NLGN4X: variants seen among roughly 807,000 people sequenced by gnomAD.
The protein encoded by NLGN4X is neuroligin 4 X-linked, also known as neuroligin-4, X-linked.
A neutral mutation model predicts 40.3 loss-of-function variants in NLGN4X; 3 were observed. That is an observed-to-expected ratio of 0.07 (90% CI 0.03 to 0.19). NLGN4X has a LOEUF of 0.19. Among genes scored for constraint, NLGN4X ranks in the 10% least tolerant of loss-of-function variants. The pLI is 1.00. For synonymous variants in NLGN4X, 270 were observed against 306.8 expected, an observed-to-expected ratio of 0.88 and a Z score of 1.25; for missense variants, 382 against 708.3, an observed-to-expected ratio of 0.54 and a Z score of 5.23.
chrX:5,961,286 T>C (rs1429692139), intron 3 of NLGN4X, among the ~76,000 whole-genome samples: 1 of 112,548 alleles, frequency 8.9e-6, no homozygotes, highest in African/African-American at 3.2e-5. Context: ...GATATTTTGG[T>C]AGACTTGTAA....
intron 5 of NLGN4X, among the ~76,000 whole-genome samples, chrX:5,896,609 T>C (rs1240018605): frequency 2.7e-5 from 3 of 112,226 alleles, no homozygotes; most frequent in African/African-American, 9.7e-5. Context: ...CCTGTTTTAT[T>C]TGAGATGTCA....
chrX:6,064,870 C>T (rs1284801261), intron 2 of NLGN4X, among the ~76,000 whole-genome samples: 3 of 111,224 alleles, frequency 2.7e-5, no homozygotes, highest in Non-Finnish European at 3.8e-5. Context: ...CCTAGATGGC[C>T]ATCAACGGTG....
chrX:5,990,761 G>A (rs1280597175), intron 3 of NLGN4X, among the ~76,000 whole-genome samples: 3 of 111,246 alleles, frequency 2.7e-5, no homozygotes, highest in South Asian at 3.8e-4. Context: ...TGCTAAGTAC[G>A]ATAGGTGGAG....
intron 2 of NLGN4X, among the ~76,000 whole-genome samples, chrX:6,080,041 T>A (rs1483070621): frequency 9.2e-6 from 1 of 108,423 alleles, no homozygotes; most frequent in Admixed American, 1.0e-4. Context: ...CTATATTCCC[T>A]CTCTTTGGAG....
At chrX:5,912,766 C>T (rs779112906) in intron 3 of NLGN4X, among the ~76,000 whole-genome samples, 1 of 103,976 alleles carries the variant, frequency 9.6e-6, no homozygotes, top group Admixed American at 1.1e-4. Context: ...CCAGGTTTTC[C>T]TGTGAATAAG....
chrX:6,152,529 G>A (rs1425501682), intron 1 of NLGN4X, among the ~76,000 whole-genome samples: 2 of 111,916 alleles, frequency 1.8e-5, no homozygotes, highest in East Asian at 5.6e-4. Context: ...AAAGATGGAA[G>A]CATGCATCCA....
At chrX:6,165,846 G>A (rs1410511579) in intron 1 of NLGN4X, among the ~76,000 whole-genome samples, 1 of 111,139 alleles carries the variant, frequency 9.0e-6, no homozygotes, top group Non-Finnish European at 1.9e-5. Context: ...TACATAGCAG[G>A]TGTATATACA....
intron 1 of NLGN4X, among the ~76,000 whole-genome samples, chrX:6,184,390 A>G (rs1186517453): frequency 8.9e-6 from 1 of 112,088 alleles, no homozygotes; most frequent in Non-Finnish European, 1.9e-5. Flanking sequence ...AAGACTAAAC[A>G]TTCCCCAAGG....
intron 2 of NLGN4X, among the ~76,000 whole-genome samples, chrX:6,114,679 T>C (rs1195452566): frequency 9.0e-6 from 1 of 111,390 alleles, no homozygotes; most frequent in East Asian, 2.8e-4. Context: ...CATATGAGGA[T>C]TTTTTTCTTA....
At chrX:6,133,167 CCAT>C (rs35954471) in intron 2 of NLGN4X, among the ~76,000 whole-genome samples, 46,070 of 108,873 alleles carry the variant, frequency 0.42, 7,424 homozygotes, top group Admixed American at 0.57. Flanking sequence ...ATCATTATCA[CCAT>C]CATCACTATC....
chrX:6,162,943 C>T (rs963221319), intron 1 of NLGN4X, among the ~76,000 whole-genome samples: 3 of 111,910 alleles, frequency 2.7e-5, no homozygotes, highest in South Asian at 3.7e-4. Flanking sequence ...ATAATTCCCA[C>T]GTATAGGGAG....
chrX:5,999,218 T>A (rs1393281348), intron 3 of NLGN4X, among the ~76,000 whole-genome samples: 1 of 112,053 alleles, frequency 8.9e-6, no homozygotes, highest in Non-Finnish European at 1.9e-5. Flanking sequence ...CTTTCTACTG[T>A]TGCCCAATGG....
Position 6,210,225 on chromosome X carries a change from C to G in NLGN4X, c.-306+18316G>C, listed in dbSNP as rs187623847. Among the ~76,000 whole-genome samples, 733 of 96,440 alleles carry G rather than the reference C, an allele frequency of 7.6e-3. 3 individuals are homozygous for G. Among genetic ancestry groups the G allele is most frequent in the Non-Finnish European group, 0.012 (614 of 49,381 alleles). 83.7% of individuals were successfully genotyped at this position (96,440 alleles called of 115,157 possible). ...AAAAAATTGCAGTTGATTCTTTGTGCGTGCGTGTGCGCCCGTTTGTGTGTG... is the reference window on the plus strand; with the variant it reads ...AAAAAATTGCAGTTGATTCTTTGTGGGTGCGTGTGCGCCCGTTTGTGTGTG... On this transcript the variant is annotated intron_variant, in intron 1 of 5. Transcript: ENST00000381095.
At chrX:5,957,464 G>A (rs750870006) in intron 3 of NLGN4X, among the ~76,000 whole-genome samples, 1 of 111,639 alleles carries the variant, frequency 9.0e-6, no homozygotes, top group African/African-American at 3.3e-5. Flanking sequence ...GGATATTTCT[G>A]CTTGCTAACA....
At chrX:6,043,495 T>C (rs2037233911) in intron 2 of NLGN4X, among the ~76,000 whole-genome samples, 1 of 111,835 alleles carries the variant, frequency 8.9e-6, no homozygotes, top group Admixed American at 9.5e-5. Flanking sequence ...TTCTCCGTAG[T>C]CAGGACACAG....
intron 1 of NLGN4X, among the ~76,000 whole-genome samples, chrX:6,197,599 C>A (rs1305908355): frequency 9.1e-6 from 1 of 109,917 alleles, no homozygotes; most frequent in Non-Finnish European, 1.9e-5. Context: ...TCTAAGTTGT[C>A]ATATAAAAAC....
intron 3 of NLGN4X, among the ~76,000 whole-genome samples, chrX:5,936,739 G>A (rs1310100756): frequency 1.8e-5 from 2 of 112,174 alleles, no homozygotes; most frequent in African/African-American, 3.2e-5. Context: ...TATTTTAACA[G>A]CAGCACACAT....
intron 3 of NLGN4X, among the ~76,000 whole-genome samples, chrX:6,026,615 T>A (rs894564161): frequency 7.2e-5 from 8 of 111,553 alleles, no homozygotes; most frequent in African/African-American, 2.3e-4. Context: ...TCCTGTAAAA[T>A]CGGCAAACTT....
At chrX:6,026,174 T>A (rs1217208325) in intron 3 of NLGN4X, among the ~76,000 whole-genome samples, 4 of 110,403 alleles carry the variant, frequency 3.6e-5, no homozygotes, top group Non-Finnish European at 7.6e-5. Context: ...TCCGCTTCCA[T>A]TATGGGCATG....
Sources: gnomAD v4.1 joint callset for allele counts (sites outside exome capture counted in the v4.1 genomes callset) on GRCh38, gnomAD v4.1.1 for gene constraint, MANE v1.5 for transcripts, NCBI Gene and HGNC (gene_info 2026-07-23, HGNC 2026-07-21) for gene names.